Variants in DYM observed in about 807,000 individuals in gnomAD.
The protein encoded by DYM is dymeclin, also known as dyggve-Melchior-Clausen syndrome protein.
In DYM, 78 loss-of-function variants were observed where a neutral mutation model predicts 93.1. The observed-to-expected ratio is 0.84, with a 90% CI of 0.70 to 1.01. The LOEUF is 1.01. Among genes scored for constraint, DYM ranks in the 50% least tolerant of loss-of-function variants. The probability of loss-of-function intolerance (pLI) is 0.00; values close to 1 mark genes in which losing one functional copy is unlikely to be tolerated. For synonymous variants in DYM, 321 were observed against 319.7 expected, an observed-to-expected ratio of 1.00 and a Z score of -0.04; for missense variants, 789 against 845.0, an observed-to-expected ratio of 0.93 and a Z score of 0.82.
rs558779093 is a variant in DYM, at chr18:49,077,673, C to T, written c.2025+19729G>A. On this transcript the variant is annotated intron_variant, in intron 17 of 17. Transcript: ENST00000675505. Reference sequence around the variant, plus strand: ...TGCTATTGGCACATGCACATTTGTGCCTGTTATGTCTTCCTCTTGAATTGT... The same window carrying T: ...TGCTATTGGCACATGCACATTTGTGTCTGTTATGTCTTCCTCTTGAATTGT... Among the ~76,000 whole-genome samples, 8 of 152,174 alleles carry T rather than the reference C, an allele frequency of 5.3e-5. No homozygotes were observed. The South Asian group carries it at 1.5e-3, about 28-fold the overall frequency.
intron 1 of DYM, among the ~76,000 whole-genome samples, chr18:49,450,281 A>G (rs1447774528): frequency 1.3e-5 from 2 of 152,232 alleles, no homozygotes; most frequent in African/African-American, 4.8e-5. Flanking sequence ...AGGGTTTGTA[A>G]AGACTTCACC....
intron 11 of DYM, among the ~76,000 whole-genome samples, chr18:49,265,762 G>C (rs2094559290): frequency 7.5e-6 from 1 of 134,164 alleles, no homozygotes; most frequent in Non-Finnish European, 1.6e-5. Context: ...TGGGCAACAG[G>C]AGCAAAACTC....
chr18:49,316,290 A>AC (rs1345321890), intron 8 of DYM, among the ~76,000 whole-genome samples: 10 of 151,852 alleles, frequency 6.6e-5, no homozygotes, highest in African/African-American at 9.7e-5. Flanking sequence ...ACACACACAC[A>AC]AAAAAAAATC....
chr18:49,170,405 G>C (rs1218714025), intron 14 of DYM, among the ~76,000 whole-genome samples: 1 of 152,150 alleles, frequency 6.6e-6, no homozygotes, highest in East Asian at 1.9e-4. Context: ...AGAAGAGAGG[G>C]GAGGAGAAAT....
intron 8 of DYM, among the ~76,000 whole-genome samples, chr18:49,297,263 A>G (rs1274660974): frequency 6.6e-6 from 1 of 152,244 alleles, no homozygotes; most frequent in Admixed American, 6.5e-5. Flanking sequence ...TAGTTGTCAT[A>G]AAAATGAACA....
At chr18:49,189,050 C>T (rs567110918) in intron 14 of DYM, among the ~76,000 whole-genome samples, 28 of 151,728 alleles carry the variant, frequency 1.8e-4, no homozygotes, top group Middle Eastern at 3.4e-3. Context: ...TGAATTAACA[C>T]AGAAAAAAAA....
chr18:49,079,203 G>A (rs1420802889), intron 17 of DYM, among the ~76,000 whole-genome samples: 1 of 151,948 alleles, frequency 6.6e-6, no homozygotes, highest in Non-Finnish European at 1.5e-5. Flanking sequence ...CATGTTTCAT[G>A]CAAAGAAAAA....
At chr18:49,055,871 C>T (rs1415548101) in intron 17 of DYM, among the ~76,000 whole-genome samples, 2 of 152,230 alleles carry the variant, frequency 1.3e-5, no homozygotes, top group African/African-American at 2.4e-5. Context: ...TGTTTCCCTC[C>T]AGCGTTCCAG....
At position 49,139,706 on chromosome 18, in the gene DYM, CTTAGTTT is replaced by C. The variant is rs370958285; in HGVS notation, c.1729-20787_1729-20781del. Among the ~76,000 whole-genome samples the C allele has an allele frequency of 5.5e-3, 839 of 152,202 alleles. 2 individuals are homozygous for C. The highest frequency in any genetic ancestry group is 9.1e-3 in the Non-Finnish European group (622 of 67,998). On this transcript the variant is annotated intron_variant, in intron 15 of 17. Transcript: ENST00000675505. ...GAAAACAGAACAATAGTTTATCAGG[CTTAGTTT>C]TTAGAGGAAAATCTGGGTCTGTGAG...
intron 17 of DYM, among the ~76,000 whole-genome samples, chr18:49,062,638 C>A (rs1417506237): frequency 6.6e-6 from 1 of 152,334 alleles, no homozygotes; most frequent in East Asian, 1.9e-4. Context: ...ACACGGGTGG[C>A]CATGCTGTTT....
chr18:49,304,960 C>G (rs1014213300), intron 8 of DYM, among the ~76,000 whole-genome samples: 13 of 152,162 alleles, frequency 8.5e-5, no homozygotes, highest in Non-Finnish European at 1.5e-4. Flanking sequence ...CCACTGGTGA[C>G]TGCACTGCCA....
chr18:49,387,604 G>A (rs911012696), intron 3 of DYM, among the ~76,000 whole-genome samples: 2 of 152,154 alleles, frequency 1.3e-5, no homozygotes, highest in Non-Finnish European at 2.9e-5. Flanking sequence ...GTTGTCACCA[G>A]CAAGAAGATT....
chr18:49,360,169 T>C (rs1207399600), intron 6 of DYM, among the ~76,000 whole-genome samples: 1 of 151,970 alleles, frequency 6.6e-6, no homozygotes. Flanking sequence ...ATGGCTGCTC[T>C]ATTCATTGTG....
At chr18:49,335,923 C>T (rs1159021665) in intron 6 of DYM, among the ~76,000 whole-genome samples, 1 of 152,026 alleles carries the variant, frequency 6.6e-6, no homozygotes, top group African/African-American at 2.4e-5. Flanking sequence ...AAGTGATCCT[C>T]CTGCCTTAGC....
intron 14 of DYM, among the ~76,000 whole-genome samples, chr18:49,181,454 T>C (rs1750813760): frequency 6.6e-6 from 1 of 152,182 alleles, no homozygotes; most frequent in African/African-American, 2.4e-5. Flanking sequence ...CAGGTTGAAT[T>C]TCCTTCATCT....
At chr18:49,108,638 T>C (rs1363751338) in intron 16 of DYM, among the ~76,000 whole-genome samples, 1 of 152,236 alleles carries the variant, frequency 6.6e-6, no homozygotes, top group East Asian at 1.9e-4. Flanking sequence ...TGCTGAGGTT[T>C]GTTTTACGGC....
intron 5 of DYM, among the ~76,000 whole-genome samples, chr18:49,374,978 C>G (rs1486008361): frequency 6.6e-6 from 1 of 151,294 alleles, no homozygotes; most frequent in Non-Finnish European, 1.5e-5. Context: ...AAATTGGCTG[C>G]CTATCTTTTT....
chr18:49,205,021 C>T (rs1157964426), intron 14 of DYM, among the ~76,000 whole-genome samples: 5 of 152,312 alleles, frequency 3.3e-5, no homozygotes, highest in African/African-American at 7.2e-5. Context: ...AGTGCAGTGG[C>T]GTGATCTCGG....
intron 6 of DYM, among the ~76,000 whole-genome samples, chr18:49,338,139 A>G (rs1365597279): frequency 6.6e-6 from 1 of 152,254 alleles, no homozygotes; most frequent in African/African-American, 2.4e-5. Context: ...CAACTTTGAA[A>G]GATAAATAGC....
Sources: gnomAD v4.1 joint callset for allele counts (sites outside exome capture counted in the v4.1 genomes callset) on GRCh38, gnomAD v4.1.1 for gene constraint, MANE v1.5 for transcripts, NCBI Gene and HGNC (gene_info 2026-07-23, HGNC 2026-07-21) for gene names.